Variants in ARHGEF1 observed in about 807,000 individuals in gnomAD.
ARHGEF1 encodes the protein 115 kDa guanine nucleotide exchange factor.
In ARHGEF1, 40 loss-of-function variants were observed where a neutral mutation model predicts 119.7. That is an observed-to-expected ratio of 0.33 (90% CI 0.26 to 0.44). The LOEUF (loss-of-function observed/expected upper bound fraction) is 0.44. Among genes scored for constraint, ARHGEF1 ranks in the 20% least tolerant of loss-of-function variants. ARHGEF1 has a pLI of 1.00. For synonymous variants in ARHGEF1, 494 were observed against 521.0 expected (o/e 0.95, Z 0.71); for missense variants, 976 against 1,268.3 (o/e 0.77, Z 3.50).
intron 1 of ARHGEF1, among the ~76,000 whole-genome samples, chr19:41,926,704 G>A (rs1249228716): frequency 1.3e-5 from 2 of 150,672 alleles, no homozygotes; most frequent in Non-Finnish European, 3.0e-5. Flanking sequence ...GGGCCGCGGC[G>A]GCCGGCCGGG....
intron 1 of ARHGEF1, among the ~76,000 whole-genome samples, chr19:41,926,568 G>A (rs1350738386): frequency 6.6e-6 from 1 of 152,214 alleles, no homozygotes; most frequent in South Asian, 2.1e-4. Flanking sequence ...TCTGGCTCTC[G>A]GGTCCCTCCC....
rs781907309 is a variant in ARHGEF1 at position 41,906,918 on chromosome 19, C to A, written c.*17+115C>A. 1.7e-5 allele frequency: 17 copies of A among 973,614 alleles called. No homozygotes were observed. Among genetic ancestry groups the A allele is most frequent in the Non-Finnish European group, 2.4e-5 (16 of 669,998 alleles). The allele number at this position is 973,614 out of a possible 1,614,324, so 60.3% of individuals were successfully genotyped here. A position where few individuals can be genotyped will look rare whatever the true frequency, so the allele number is the denominator to read the frequency against. ...CCCTCTTTGTCTTTTCTGAATCTCC[C>A]CACTCCACCTCGTGTTTCTCATCTC... is the stretch of plus-strand genomic sequence containing the variant. On this transcript the variant is annotated intron_variant, in intron 28 of 28. Transcript: ENST00000354532. This position sits in a 1 kb window ranked among gnomAD's most constrained non-coding sequence, Gnocchi z 4.5.
chr19:41,904,478 G>C lies in ARHGEF1; in HGVS notation c.2161+95G>C. 7.2e-7 allele frequency: 1 copy of C among 1,382,478 alleles called. No homozygotes were observed. Among genetic ancestry groups the C allele is most frequent in the Non-Finnish European group, 9.6e-7 (1 of 1,044,840 alleles). 85.6% of individuals were successfully genotyped at this position (1,382,478 alleles called of 1,614,324 possible). On this transcript the variant is annotated intron_variant, in intron 22 of 28. Coordinates refer to ENST00000354532, the MANE Select transcript of ARHGEF1 (RefSeq NM_004706.4). This position sits in a 1 kb window ranked among gnomAD's most constrained non-coding sequence, Gnocchi z 8.4. ...GAGCAGAACCCTCTAGAGAGCCAGG[G>C]AGCCAGCATTCTAGCAAAGAGGTTG...
At chr19:41,897,079 CCCCCCTG>C (rs782583823) in intron 13 of ARHGEF1, 10 of 370,530 alleles carry the variant, frequency 2.7e-5, no homozygotes, top group South Asian at 5.5e-5. Flanking sequence ...CTCTTTCAAG[CCCCCCTG>C]CCCCCTGCCC....
rs903076928 is a variant in ARHGEF1, at chr19:41,916,721, G to A, written c.1866-6371G>A. ...TATGCACTTGGTCACGCATGGAGCCGTAGAGATACACACACCAGCACCAAC... is the reference window on the plus strand; with the variant it reads ...TATGCACTTGGTCACGCATGGAGCCATAGAGATACACACACCAGCACCAAC... On this transcript the variant is annotated intron_variant, in intron 18 of 20. Coordinates refer to the ARHGEF1 transcript ENST00000599589. This position sits in a 1 kb window ranked among gnomAD's most constrained non-coding sequence, Gnocchi z 5.4. Among the ~76,000 whole-genome samples the A allele has an allele frequency of 1.3e-5, 2 of 151,548 alleles. No homozygotes were observed. The highest frequency in any genetic ancestry group is 2.1e-4 in the South Asian group (1 of 4,804).
chr19:41,905,499 G>GTGTGCATGCGTGTGACAGCA lies in ARHGEF1; in HGVS notation c.2336+248_2337-232dup. ...GTGTATGGTGTGTGTGTATGCATAT[G>GTGTGCATGCGTGTGACAGCA]TGTGCATGCGTGTGACAGCATGTGC... On this transcript the variant is annotated intron_variant, in intron 24 of 28. Coordinates refer to ENST00000354532, the MANE Select transcript of ARHGEF1 (RefSeq NM_004706.4). The surrounding 1 kb of genome is among the most constrained non-coding windows in gnomAD (Gnocchi z 6.4). 3.3e-6 allele frequency: 2 copies of GTGTGCATGCGTGTGACAGCA among 611,518 alleles called. No homozygotes were observed. Among genetic ancestry groups the GTGTGCATGCGTGTGACAGCA allele is most frequent in the Non-Finnish European group, 2.9e-6 (1 of 346,564 alleles). 37.9% of individuals were successfully genotyped at this position (611,518 alleles called of 1,614,324 possible). A position where few individuals can be genotyped will look rare whatever the true frequency, so the allele number is the denominator to read the frequency against.
intron 18 of ARHGEF1, among the ~76,000 whole-genome samples, chr19:41,915,126 C>A (rs1394570002): frequency 1.0e-5 from 1 of 95,920 alleles, no homozygotes; most frequent in African/African-American, 4.3e-5. Flanking sequence ...CCTCCTTCCT[C>A]CCCCCGCCCC....
At chr19:41,884,230 C>A (rs969366027) in intron 1 of ARHGEF1, 1 of 594,404 alleles carries the variant, frequency 1.7e-6, no homozygotes. Flanking sequence ...AAACGCTGGC[C>A]CTCCAAGACA....
At chr19:41,895,680 C>T (rs2074473160) in intron 12 of ARHGEF1, among the ~76,000 whole-genome samples, 194 bp downstream of exon 12, 1 of 152,182 alleles carries the variant, frequency 6.6e-6, no homozygotes, top group African/African-American at 2.4e-5. Context: ...GCCCTTTCCA[C>T]AGCTTTGCTC....
chr19:41,920,875 T>C (rs1231710777), upstream of ARHGEF1, among the ~76,000 whole-genome samples: 1 of 151,874 alleles, frequency 6.6e-6, no homozygotes, highest in Non-Finnish European at 1.5e-5. Context: ...GGCCTGTGGG[T>C]GGGGCAGGGG....
rs2074675553 is a variant in ARHGEF1, at chr19:41,905,450, A to ATGTGTGCGTGTGCATG, written c.2336+201_2336+216dup. Reference sequence around the variant, plus strand: ...GCATATATAGTGTGTGTATGCATGCATGTGTGCGTGTGCATGTGTGTGCGT... The same window carrying ATGTGTGCGTGTGCATG: ...GCATATATAGTGTGTGTATGCATGCATGTGTGCGTGTGCATGTGTGTGCGTGTGCATGTGTGTGCGT... On this transcript the variant is annotated intron_variant, in intron 24 of 28. Transcript: ENST00000354532. The surrounding 1 kb of genome is among the most constrained non-coding windows in gnomAD (Gnocchi z 6.4). The ATGTGTGCGTGTGCATG allele has an allele frequency of 4.8e-6, 3 of 625,890 alleles. No homozygotes were observed. The highest frequency in any genetic ancestry group is 1.8e-5 in the African/African-American group (1 of 54,294). 38.8% of individuals were successfully genotyped at this position (625,890 alleles called of 1,614,324 possible). A position where few individuals can be genotyped will look rare whatever the true frequency, so the allele number is the denominator to read the frequency against.
chr19:41,918,581 C>G (rs1352332246), upstream of ARHGEF1, among the ~76,000 whole-genome samples: 7 of 149,370 alleles, frequency 4.7e-5, no homozygotes, highest in African/African-American at 1.7e-4. Flanking sequence ...ACACCACACA[C>G]AGTACATACA....
rs782189189 is a variant in ARHGEF1, at chr19:41,928,985, C to T, written c.297C>T (p.Tyr99=). ...ACACGGACAGAGGGACATATGGATA[C>T]AGTAAGACAGTGCAAACACACACTC... Residue 99 remains tyrosine, a splice_region_variant and synonymous_variant, in exon 2 of 3, where the codon TAC becomes TAT. Transcript: ENST00000594417. 6.7e-6 allele frequency: 3 copies of T among 445,738 alleles called. 1 individual carries two copies. The highest frequency in any genetic ancestry group is 4.8e-5 in the South Asian group (3 of 63,078). 27.6% of individuals were successfully genotyped at this position (445,738 alleles called of 1,614,324 possible). A position where few individuals can be genotyped will look rare whatever the true frequency, so the allele number is the denominator to read the frequency against.
At chr19:41,909,118 CAG>C (rs1555851046), downstream of ARHGEF1, 1 of 1,231,812 alleles carries the variant, frequency 8.1e-7, no homozygotes, top group African/African-American at 1.6e-5. The surrounding 1 kb of genome is among the most constrained non-coding windows in gnomAD (Gnocchi z 5.2). Context: ...CGGAGGTGAA[CAG>C]GGGTGTCCGG....
At chr19:41,926,829 A>T (rs964512007) in intron 1 of ARHGEF1, among the ~76,000 whole-genome samples, 1 of 152,148 alleles carries the variant, frequency 6.6e-6, no homozygotes, top group Non-Finnish European at 1.5e-5. Flanking sequence ...AGAAAATTCG[A>T]TCCTGGGCCT....
rs1043331104 is a variant in ARHGEF1 at position 41,895,635 on chromosome 19, C to T, written c.1015+149C>T. The T allele has an allele frequency of 3.4e-6, 3 of 873,234 alleles. No homozygotes were observed. In the East Asian group the frequency reaches 8.2e-5, roughly 24 times the overall value. The allele number at this position is 873,234 out of a possible 1,614,324, so 54.1% of individuals were successfully genotyped here. A position where few individuals can be genotyped will look rare whatever the true frequency, so the allele number is the denominator to read the frequency against. ...TCCACTTCTCCCTGCTCCTGGTCAC[C>T]ACTGTCATTCATAACTTTCCCCTTC... On this transcript the variant is annotated intron_variant, in intron 12 of 28. Coordinates refer to ENST00000354532, the MANE Select transcript of ARHGEF1 (RefSeq NM_004706.4).
upstream of ARHGEF1, among the ~76,000 whole-genome samples, chr19:41,922,238 G>A (rs782669913): frequency 1.3e-5 from 2 of 152,118 alleles, no homozygotes; most frequent in African/African-American, 2.4e-5. Context: ...CACCAAGAGT[G>A]TACTGAGGAA....
Position 41,904,013 on chromosome 19 carries a change from C to T in ARHGEF1, c.1918-22C>T, listed in dbSNP as rs782267504. On this transcript the variant is annotated intron_variant, in intron 20 of 28. Transcript: ENST00000354532. The surrounding 1 kb of genome is among the most constrained non-coding windows in gnomAD (Gnocchi z 8.4). ...ATCACCCCCTGCCAACCTGCACAAA[C>T]CATCACCCCCTCCTGCCCCAGAACC... 7.0e-6 allele frequency: 11 copies of T among 1,578,548 alleles called. No individual in the cohort carries two copies. The highest frequency in any genetic ancestry group is 1.7e-5 in the Admixed American group (1 of 59,712).
intron 13 of ARHGEF1, 106 bp downstream of exon 13, chr19:41,896,588 T>A (rs1183308041): frequency 6.9e-6 from 6 of 863,994 alleles, no homozygotes; most frequent in Non-Finnish European, 1.1e-5. Flanking sequence ...AGGCTCTTGC[T>A]CCCCATGCTC....
Sources: allele counts gnomAD v4.1 joint callset (sites outside exome capture counted in the v4.1 genomes callset), GRCh38; gene constraint gnomAD v4.1.1; non-coding constraint Gnocchi (gnomAD v3.1); transcripts MANE v1.5; gene names NCBI Gene and HGNC (gene_info 2026-07-23, HGNC 2026-07-21).